EDRF1: variants seen among roughly 807,000 people sequenced by gnomAD.
The protein encoded by EDRF1 is erythroid differentiation regulatory factor 1, also known as erythroid differentiation-related factor 1.
Under a neutral mutation model 148.7 loss-of-function variants are expected in EDRF1, and 69 were observed. The ratio of observed to expected loss-of-function variants is 0.46; its 90% CI spans 0.38 to 0.57. The LOEUF is 0.57. EDRF1 is among the 20% of genes least tolerant of loss of function. The pLI, the probability that EDRF1 is intolerant of heterozygous loss-of-function variation, is 0.00. For missense variants in EDRF1, 1,118 were observed against 1,478.7 expected (o/e 0.76, Z 4.00); for synonymous variants, 515 against 532.8 (o/e 0.97, Z 0.46).
rs149678709 is a variant in EDRF1 at position 125,739,412 on chromosome 10, T to G, written c.1981+967T>G. ...CTGCTCAAGCTCAGAATCTCCATGT[T>G]TCCCTCTGTTCTCCATCAGAATTAC... is the stretch of plus-strand genomic sequence containing the variant. On this transcript the variant is annotated intron_variant, in intron 15 of 24. Transcript: ENST00000356792. 1.5e-3 allele frequency among the ~76,000 whole-genome samples: 234 copies of G among 152,336 alleles called. 1 individual carries two copies. The East Asian group carries it at 0.023, about 15-fold the overall frequency.
chr10:125,733,763 A>C lies in EDRF1; in HGVS notation c.1385+20A>C, dbSNP rs373588967. The stretch of plus-strand genomic sequence containing the variant: ...GTACAAGTGAGTGCTTTAAGAATTT[A>C]AGATGAAGAAGTAGCCTATTATATA... On this transcript the variant is annotated intron_variant, in intron 11 of 24. Coordinates refer to ENST00000356792, the MANE Select transcript of EDRF1 (RefSeq NM_001202438.2). 6.3e-7 allele frequency: 1 copy of C among 1,581,934 alleles called. No individual in the cohort carries two copies. Among genetic ancestry groups the C allele is most frequent in the Admixed American group, 1.7e-5 (1 of 59,930 alleles).
intron 9 of EDRF1, 131 bp from the exon 10 acceptor site, chr10:125,733,272 CT>C: frequency 1.5e-6 from 1 of 680,030 alleles, no homozygotes; most frequent in Non-Finnish European, 2.5e-6. Flanking sequence ...TTAAAAACCA[CT>C]GGTTTAAACA....
At chr10:125,749,781 AATACTGAG>A (rs1235661419) in intron 22 of EDRF1, 2 of 578,692 alleles carry the variant, frequency 3.5e-6, no homozygotes, top group Middle Eastern at 4.6e-4. Context: ...AGTGACTAGA[AATACTGAG>A]ATATGGCCCA....
chr10:125,753,331 C>T (rs1232207452), intron 23 of EDRF1, among the ~76,000 whole-genome samples: 1 of 152,152 alleles, frequency 6.6e-6, no homozygotes, highest in Admixed American at 6.5e-5. Flanking sequence ...GTTTTCTGGG[C>T]ATTCCGGCAT....
intron 17 of EDRF1, 24 bp downstream of exon 17, chr10:125,741,225 TG>T (rs752656975): frequency 6.2e-7 from 1 of 1,603,004 alleles, no homozygotes; most frequent in East Asian, 2.2e-5. Context: ...TTGGACCACG[TG>T]GTTCACAGTG....
At chr10:125,756,547 C>T (rs186063243) in intron 24 of EDRF1, among the ~76,000 whole-genome samples, 20 of 152,330 alleles carry the variant, frequency 1.3e-4, no homozygotes, top group Middle Eastern at 3.4e-3. Context: ...TCTCCAGCTA[C>T]GCTTATGGAT....
chr10:125,749,406 T>G lies in EDRF1; in HGVS notation c.3124-6T>G. The G allele has an allele frequency of 6.2e-7, 1 of 1,614,204 alleles. No individual in the cohort carries two copies. The highest frequency in any genetic ancestry group is 8.5e-7 in the Non-Finnish European group (1 of 1,180,040). Reference sequence around the variant, plus strand: ...GGATTTGTTGCTTGTTTTGGTTTGGTTCTAGGTTGGTGATGAACACCTTAG... The same window carrying G: ...GGATTTGTTGCTTGTTTTGGTTTGGGTCTAGGTTGGTGATGAACACCTTAG... On this transcript the variant is annotated splice_region_variant and splice_polypyrimidine_tract_variant and intron_variant, in intron 21 of 24. Transcript: ENST00000356792.
At chr10:125,760,423 TCTG>T (rs1850142411) in intron 24 of EDRF1, among the ~76,000 whole-genome samples, 1 of 152,248 alleles carries the variant, frequency 6.6e-6, no homozygotes. Flanking sequence ...TTATTAATAT[TCTG>T]CTGAAAACTA....
At chr10:125,749,284 A>G (rs1849527533) in intron 21 of EDRF1, 128 bp from the exon 22 acceptor site, 1 of 1,075,888 alleles carries the variant, frequency 9.3e-7, no homozygotes, top group Non-Finnish European at 1.4e-6. Flanking sequence ...TTAAAGACCT[A>G]AATATAAAAG....
intron 24 of EDRF1, among the ~76,000 whole-genome samples, chr10:125,761,878 C>G (rs1199489810): frequency 1.3e-5 from 2 of 152,162 alleles, no homozygotes; most frequent in African/African-American, 4.8e-5. Context: ...TTGTTAAGTG[C>G]TAATGCCTTG....
chr10:125,724,758 A>T (rs1385408475), intron 4 of EDRF1, among the ~76,000 whole-genome samples: 1 of 152,232 alleles, frequency 6.6e-6, no homozygotes, highest in Non-Finnish European at 1.5e-5. Flanking sequence ...CAGTTTCTCA[A>T]GAACTACCCT....
chr10:125,740,962 G>A lies in EDRF1; in HGVS notation c.2171-39G>A, dbSNP rs1241795421. 3.1e-6 allele frequency: 5 copies of A among 1,592,076 alleles called. No homozygotes were observed. The East Asian group carries it at 1.1e-4, about 36-fold the overall frequency. The stretch of plus-strand genomic sequence containing the variant: ...TTCCTATGATCATTAATTTTTTTCT[G>A]CATTTGTGTTTTTTCTTCTTCCCTC... On this transcript the variant is annotated intron_variant, in intron 16 of 24. Transcript: ENST00000356792.
chr10:125,754,827 A>G (rs956576039), intron 24 of EDRF1, among the ~76,000 whole-genome samples: 2 of 152,196 alleles, frequency 1.3e-5, no homozygotes, highest in Admixed American at 6.5e-5. Context: ...TAATACATCC[A>G]TTGTTACCAG....
chr10:125,749,304 A>G (rs544788359), intron 21 of EDRF1, 108 bp from the exon 22 acceptor site: 88 of 1,270,300 alleles, frequency 6.9e-5, no homozygotes, highest in Middle Eastern at 1.8e-4. Flanking sequence ...GCTAAAACTA[A>G]TAAGACCTAG....
chr10:125,748,848 C>A, intron 21 of EDRF1: 1 of 170,934 alleles, frequency 5.9e-6, no homozygotes, highest in Non-Finnish European at 1.3e-5. Context: ...GCACCATTTG[C>A]TGAAAAGACT....
rs1849838235 is a variant in EDRF1 at position 125,755,102 on chromosome 10, A to G, written c.3545+1257A>G. On this transcript the variant is annotated intron_variant, in intron 24 of 24. Coordinates refer to ENST00000356792, the MANE Select transcript of EDRF1 (RefSeq NM_001202438.2). The stretch of plus-strand genomic sequence containing the variant: ...TCAGGATCTCAGGGAGAAAGTTTTC[A>G]GTCTTTTACCATTAAGCCTCATATC... Among the ~76,000 whole-genome samples the G allele has an allele frequency of 2.6e-5, 4 of 152,210 alleles. 1 individual carries two copies. The South Asian group carries it at 8.3e-4, about 32-fold the overall frequency.
At chr10:125,749,203 C>T (rs1003281812) in intron 21 of EDRF1, 1 of 559,336 alleles carries the variant, frequency 1.8e-6, no homozygotes, top group South Asian at 2.0e-5. Flanking sequence ...GCCAGGATTG[C>T]ACCACTGCAT....
rs1226184442 is a variant in EDRF1 at position 125,735,819 on chromosome 10, C to T, written c.1673C>T (p.Ser558Leu). The change falls in exon 13 of 25, where the codon TCA becomes TTA. Residue 558 changes from serine (S) to leucine (L), a missense_variant. Transcript: ENST00000356792. ...NGSYSTSSDP[S>L]DDSKAVAIIK... ...TCCTATAGCACCAGCTCTGATCCAT[C>T]AGATGATAGCAAAGCAGTAGCTATA... 1 of 1,613,394 alleles carries T rather than the reference C, an allele frequency of 6.2e-7. No homozygotes were observed. Among genetic ancestry groups the T allele is most frequent in the Admixed American group, 1.7e-5 (1 of 60,000 alleles).
At chr10:125,731,187 G>C (rs1201965420) in intron 9 of EDRF1, among the ~76,000 whole-genome samples, 2 of 152,148 alleles carry the variant, frequency 1.3e-5, no homozygotes, top group Non-Finnish European at 2.9e-5. Flanking sequence ...ATAAATAATT[G>C]TTGAAGGAAA....
Sources: allele counts gnomAD v4.1 joint callset (sites outside exome capture counted in the v4.1 genomes callset), GRCh38; gene constraint gnomAD v4.1.1; transcripts MANE v1.5; gene names NCBI Gene and HGNC (gene_info 2026-07-23, HGNC 2026-07-21).